MFSD12: variants seen among roughly 807,000 people sequenced by gnomAD.
The protein encoded by MFSD12 is major facilitator superfamily domain containing 12.
In MFSD12, 67 loss-of-function variants were observed where a neutral mutation model predicts 51.2. The observed-to-expected ratio is 1.31, with a 90% CI of 1.08 to 1.60. The LOEUF is 1.60. Among genes scored for constraint, MFSD12 ranks in the 40% most tolerant of loss-of-function variants. The pLI, the probability that MFSD12 is intolerant of heterozygous loss-of-function variation, is 0.00. For missense variants in MFSD12, 921 were observed against 673.0 expected, an observed-to-expected ratio of 1.37 and a Z score of -4.08; for synonymous variants, 441 against 316.7, an observed-to-expected ratio of 1.39 and a Z score of -4.17.
At position 3,551,219 on chromosome 19, in the gene MFSD12, G is replaced by A. The variant is rs754102411; in HGVS notation, c.299-25C>T. 19 of 1,555,810 alleles carry A rather than the reference G, an allele frequency of 1.2e-5. No homozygotes were observed. Among genetic ancestry groups the A allele is most frequent in the African/African-American group, 6.8e-5 (5 of 73,888 alleles). On this transcript the variant is annotated intron_variant, in intron 1 of 9. Transcript: ENST00000355415. The surrounding 1 kb of genome is among the most constrained non-coding windows in gnomAD (Gnocchi z 4.6). ...CCTGTGGAAGGCAGAGTGGTCAGTC[G>A]CGGGGCTGTCCCGCACCAGCCAGGG... is the stretch of plus-strand genomic sequence containing the variant.
At chr19:3,544,069 A>C, downstream of MFSD12, 1 of 1,467,600 alleles carries the variant, frequency 6.8e-7, no homozygotes, top group Non-Finnish European at 9.1e-7. Flanking sequence ...GCACTAACCT[A>C]GTCCCAGGGG....
At position 3,546,111 on chromosome 19, in the gene MFSD12, G is replaced by A. The variant is rs751422616; in HGVS notation, c.1252C>T (p.Leu418=). The A allele has an allele frequency of 1.2e-6, 2 of 1,613,302 alleles. No individual in the cohort carries two copies. Among genetic ancestry groups the A allele is most frequent in the Admixed American group, 1.7e-5 (1 of 60,010 alleles). Reference sequence around the variant, plus strand: ...AGGCTCTGGATGGCCATGACTGCCAGCCCATTGGCCACCTTATCCAAGAAG... The same window carrying A: ...AGGCTCTGGATGGCCATGACTGCCAACCCATTGGCCACCTTATCCAAGAAG... The part of the protein sequence containing the change: ...MSFLDKVANG[L]AVMAIQSLHP... The change falls in exon 8 of 10, where the codon CTG becomes TTG. Residue 418 remains leucine (L), a synonymous_variant. Transcript: ENST00000355415.
downstream of MFSD12, chr19:3,543,212 C>G (rs901660087): frequency 3.3e-6 from 5 of 1,537,694 alleles, no homozygotes; most frequent in African/African-American, 2.7e-5. Flanking sequence ...TGGGCTCAGT[C>G]TCTGCCCCCT....
At position 3,547,476 on chromosome 19, in the gene MFSD12, G is replaced by A. The variant is rs1396216189; in HGVS notation, c.909C>T (p.Thr303=). 3 of 1,613,148 alleles carry A rather than the reference G, an allele frequency of 1.9e-6. No individual in the cohort carries two copies. The highest frequency in any genetic ancestry group is 1.1e-5 in the South Asian group (1 of 91,068). ...LSQTYMAMYL[T]YSLHLPKKFI... is the part of the protein sequence containing the mutation. ...TCACCTTGGGCAGGTGGAGCGAGTA[G>A]GTGAGGTACATGGCCATGTAGGTCT... is the stretch of plus-strand genomic sequence containing the variant. Residue 303 remains threonine, a synonymous_variant, in exon 5 of 10, where the codon ACC becomes ACT. Coordinates refer to ENST00000355415, the MANE Select transcript of MFSD12 (RefSeq NM_174983.5).
Position 3,544,338 on chromosome 19 carries a change from T to C in MFSD12, c.*372A>G. 1 of 1,269,420 alleles carries C rather than the reference T, an allele frequency of 7.9e-7. No individual in the cohort carries two copies. The highest frequency in any genetic ancestry group is 2.7e-5 in the South Asian group (1 of 36,490). The allele number at this position is 1,269,420 out of a possible 1,614,324, so 78.6% of individuals were successfully genotyped here. A position where few individuals can be genotyped will look rare whatever the true frequency, so the allele number is the denominator to read the frequency against. On this transcript the variant is annotated 3_prime_UTR_variant, in exon 10 of 10. Transcript: ENST00000355415. ...GGCTCCAGCCGTCCTGAGGGGGCCC[T>C]GGCAGTGTCTGGAGACCCCCAGGCT...
chr19:3,546,395 G>A lies in MFSD12; in HGVS notation c.1054C>T (p.Leu352=), dbSNP rs370536231. The A allele has an allele frequency of 6.2e-7, 1 of 1,608,022 alleles. No individual in the cohort carries two copies. The highest frequency in any genetic ancestry group is 8.5e-7 in the Non-Finnish European group (1 of 1,177,920). The stretch of plus-strand genomic sequence containing the variant: ...AGCGCCACCCAGGCGGCAAAGGCCA[G>A]GATCACCAGGAGGCCTGAGAAGTAG... ...MTYFSGLLVI[L]AFAAWVALAE... Residue 352 remains leucine (L), a synonymous_variant, in exon 7 of 10, where the codon CTG becomes TTG. Transcript: ENST00000355415.
Position 3,557,142 on chromosome 19 carries a change from C to T in MFSD12, c.262G>A (p.Ala88Thr). ...YEADRAASCC[A>T]RYGPRKAWHL... ...CAGGCCTTGCGCGGGCCGTAGCGGG[C>T]GCAGCAGCTGGCGGCGCGGTCGGCC... Residue 88 changes from alanine to threonine, a missense_variant, in exon 1 of 10, where the codon GCC becomes ACC. Transcript: ENST00000355415. 6.6e-7 allele frequency: 1 copy of T among 1,510,526 alleles called. No homozygotes were observed. The highest frequency in any genetic ancestry group is 2.7e-5 in the East Asian group (1 of 36,366). 93.6% of individuals were successfully genotyped at this position (1,510,526 alleles called of 1,614,324 possible). A position where few individuals can be genotyped will look rare whatever the true frequency, so the allele number is the denominator to read the frequency against.
intron 1 of MFSD12, among the ~76,000 whole-genome samples, chr19:3,552,913 C>T (rs1253836161): frequency 1.3e-5 from 2 of 152,150 alleles, no homozygotes; most frequent in Non-Finnish European, 1.5e-5. Context: ...CAGGCTCCTT[C>T]CCTGCAGCCC....
Position 3,557,550 on chromosome 19 carries a change from C to CCCACGTCCG in MFSD12, c.-156_-148dup, listed in dbSNP as rs1217041388. 1.2e-4 allele frequency: 42 copies of CCCACGTCCG among 346,924 alleles called. 1 individual carries two copies. Among genetic ancestry groups the CCCACGTCCG allele is most frequent in the East Asian group, 3.5e-4 (4 of 11,338 alleles). 21.5% of individuals were successfully genotyped at this position (346,924 alleles called of 1,614,324 possible). A position where few individuals can be genotyped will look rare whatever the true frequency, so the allele number is the denominator to read the frequency against. On this transcript the variant is annotated 5_prime_UTR_variant, in exon 1 of 10. Coordinates refer to ENST00000355415, the MANE Select transcript of MFSD12 (RefSeq NM_174983.5). ...CCGCTCTCTTACGGCCGCGCCCTCA[C>CCCACGTCCG]CCACGTCCGCCGCGTCCGCCCCACG...
At chr19:3,552,756 A>G (rs1008307887) in intron 1 of MFSD12, among the ~76,000 whole-genome samples, 5 of 152,148 alleles carry the variant, frequency 3.3e-5, no homozygotes, top group Non-Finnish European at 7.3e-5. Flanking sequence ...AAGTGCTCGG[A>G]TTACAGACTT....
At chr19:3,556,382 G>A (rs1048024607) in intron 1 of MFSD12, among the ~76,000 whole-genome samples, 5 of 152,256 alleles carry the variant, frequency 3.3e-5, no homozygotes, top group Non-Finnish European at 7.3e-5. Flanking sequence ...AAGTCATGTA[G>A]TCAGATGGTG....
Position 3,551,628 on chromosome 19 carries a change from G to T in MFSD12, c.299-434C>A, listed in dbSNP as rs905752546. Among the ~76,000 whole-genome samples, 1 of 152,144 alleles carries T rather than the reference G, an allele frequency of 6.6e-6. No individual in the cohort carries two copies. The highest frequency in any genetic ancestry group is 1.5e-5 in the Non-Finnish European group (1 of 68,008). ...CAGCTCCTAAGGTGACCACTCCCTG[G>T]AATGCTGGGGCGTCCTGGCCTCCAG... On this transcript the variant is annotated intron_variant, in intron 1 of 9. Transcript: ENST00000355415. The surrounding 1 kb of genome is among the most constrained non-coding windows in gnomAD (Gnocchi z 4.6).
chr19:3,557,180 AGCGGTGT>A lies in MFSD12; in HGVS notation c.217_223del (p.Thr73SerfsTer62). On this transcript the variant is annotated frameshift_variant, in exon 1 of 10. Transcript: ENST00000355415. LOFTEE classifies it high-confidence loss of function. ...GGCGCGGTCGGCCTCGTAGCCCACG[AGCGGTGT>A]GCACAGCCCGTCGGCCACCTGGCCC... is the stretch of plus-strand genomic sequence containing the variant. 6.5e-7 allele frequency: 1 copy of A among 1,548,316 alleles called. No homozygotes were observed. Among genetic ancestry groups the A allele is most frequent in the Non-Finnish European group, 8.7e-7 (1 of 1,149,902 alleles).
downstream of MFSD12, chr19:3,543,878 C>A (rs770920032): frequency 5.8e-6 from 9 of 1,550,310 alleles, no homozygotes; most frequent in Non-Finnish European, 7.9e-6. Flanking sequence ...GGGCATCAGA[C>A]TACGTGCCCT....
At chr19:3,556,722 G>GA (rs2031742008) in intron 1 of MFSD12, among the ~76,000 whole-genome samples, 1 of 152,016 alleles carries the variant, frequency 6.6e-6, no homozygotes. Context: ...TCAGGCCACG[G>GA]AACAGCCAGA....
At chr19:3,549,099 G>C (rs2031300038) in intron 2 of MFSD12, among the ~76,000 whole-genome samples, 1 of 152,218 alleles carries the variant, frequency 6.6e-6, no homozygotes, top group Non-Finnish European at 1.5e-5. Context: ...TAAAGAAGCT[G>C]AGATTCATGT....
Position 3,551,238 on chromosome 19 carries a change from G to A in MFSD12, c.299-44C>T. The A allele has an allele frequency of 6.8e-7, 1 of 1,479,242 alleles. No individual in the cohort carries two copies. The highest frequency in any genetic ancestry group is 9.1e-7 in the Non-Finnish European group (1 of 1,094,094). The allele number at this position is 1,479,242 out of a possible 1,614,324, so 91.6% of individuals were successfully genotyped here. On this transcript the variant is annotated intron_variant, in intron 1 of 9. Coordinates refer to ENST00000355415, the MANE Select transcript of MFSD12 (RefSeq NM_174983.5). This position sits in a 1 kb window ranked among gnomAD's most constrained non-coding sequence, Gnocchi z 4.6. Reference sequence around the variant, plus strand: ...TCAGTCGCGGGGCTGTCCCGCACCAGCCAGGGCTCCCAGGGTGAGGACATG... The same window carrying A: ...TCAGTCGCGGGGCTGTCCCGCACCAACCAGGGCTCCCAGGGTGAGGACATG...
intron 8 of MFSD12, among the ~76,000 whole-genome samples, chr19:3,545,280 C>T (rs907156014): frequency 1.3e-5 from 2 of 152,196 alleles, no homozygotes; most frequent in East Asian, 1.9e-4. Context: ...CGTCTGTGAG[C>T]GCCTGGGTCA....
intron 8 of MFSD12, 32 bp from the exon 9 acceptor site, chr19:3,544,971 C>G (rs374130282): frequency 1.9e-6 from 3 of 1,580,222 alleles, no homozygotes; most frequent in Admixed American, 1.7e-5. Context: ...GAGTAGGCAC[C>G]GCGGGTACCA....
Sources: gnomAD v4.1 joint callset for allele counts (sites outside exome capture counted in the v4.1 genomes callset) on GRCh38, gnomAD v4.1.1 for gene constraint, Gnocchi (gnomAD v3.1) non-coding constraint, MANE v1.5 for transcripts, NCBI Gene and HGNC (gene_info 2026-07-23, HGNC 2026-07-21) for gene names.